The following TRMT11 variants were observed in gnomAD, a reference collection of about 807,000 sequenced individuals.
TRMT11 encodes tRNA methyltransferase 11, also known as tRNA (guanine(10)-N(2))-methyltransferase TRMT11.
In TRMT11, 53 loss-of-function variants were observed where a neutral mutation model predicts 62.8. The ratio of observed to expected loss-of-function variants is 0.84; its 90% confidence interval spans 0.68 to 1.06. The LOEUF is 1.06. TRMT11 is among the 50% of genes least tolerant of loss of function. The pLI is 0.00. For synonymous variants in TRMT11, 188 were observed against 190.3 expected (o/e 0.99, Z 0.10); for missense variants, 556 against 553.4 (o/e 1.00, Z -0.05).
intron 16 of TRMT11, among the ~76,000 whole-genome samples, chr6:126,045,587 C>T (rs954858774): frequency 6.6e-6 from 1 of 152,116 alleles, no homozygotes; most frequent in Non-Finnish European, 1.5e-5. Flanking sequence ...TGATAGTTAC[C>T]CAAATGGTTC....
chr6:126,143,342 T>G (rs1268582255), intron 21 of TRMT11, among the ~76,000 whole-genome samples: 2 of 152,116 alleles, frequency 1.3e-5, no homozygotes, highest in Non-Finnish European at 2.9e-5. Context: ...GGGAGTTTTA[T>G]TTTGAATGAA....
intron 12 of TRMT11, among the ~76,000 whole-genome samples, chr6:126,033,328 A>G (rs1187669707): frequency 6.6e-6 from 1 of 152,174 alleles, no homozygotes; most frequent in African/African-American, 2.4e-5. Context: ...CAGAACATAC[A>G]GCTTGATTTA....
At chr6:126,242,981 A>T in the TRMT11 span, among the ~76,000 whole-genome samples, 1 of 152,216 alleles carries the variant, frequency 6.6e-6, no homozygotes. Context: ...AGAAACTACC[A>T]TCAGAGTGAA....
the TRMT11 span, among the ~76,000 whole-genome samples, chr6:126,225,876 G>C: frequency 6.6e-6 from 1 of 151,866 alleles, no homozygotes; most frequent in African/African-American, 2.4e-5. Flanking sequence ...TTTTAGTACA[G>C]ATGGGGTTTC....
intron 21 of TRMT11, among the ~76,000 whole-genome samples, chr6:126,131,518 A>G (rs1166485048): frequency 1.3e-5 from 2 of 151,990 alleles, no homozygotes; most frequent in Admixed American, 6.6e-5. Context: ...CAGTTACACC[A>G]CGCCTTTAAA....
chr6:126,010,607 A>T (rs1264869260), intron 8 of TRMT11, among the ~76,000 whole-genome samples: 2 of 152,216 alleles, frequency 1.3e-5, no homozygotes, highest in East Asian at 1.9e-4. Context: ...CCCACTGCGT[A>T]TCTTTTTCTG....
intron 3 of TRMT11, among the ~76,000 whole-genome samples, chr6:125,997,039 C>T (rs1791632998): frequency 6.6e-6 from 1 of 152,170 alleles, no homozygotes; most frequent in Admixed American, 6.5e-5. Context: ...AAAATAGCCA[C>T]TGGAGTACTA....
the TRMT11 span, among the ~76,000 whole-genome samples, chr6:126,251,048 C>T: frequency 1.4e-5 from 2 of 147,370 alleles, no homozygotes. Context: ...TTTTTTTTTC[C>T]AAGACGGAGT....
intron 7 of TRMT11, among the ~76,000 whole-genome samples, chr6:126,000,234 T>G (rs562897889): frequency 1.3e-5 from 2 of 152,240 alleles, no homozygotes; most frequent in East Asian, 3.9e-4. Context: ...CTGTGCAGAC[T>G]TTTTCCTACT....
intron 21 of TRMT11, among the ~76,000 whole-genome samples, chr6:126,151,530 G>A (rs575777796): frequency 4.4e-4 from 67 of 151,636 alleles, no homozygotes; most frequent in African/African-American, 1.6e-3. Context: ...CTTACACTTA[G>A]AGCTCAGGGT....
intron 17 of TRMT11, among the ~76,000 whole-genome samples, chr6:126,079,473 C>T (rs374152755): frequency 1.0e-3 from 158 of 152,238 alleles, no homozygotes; most frequent in African/African-American, 3.5e-3. Flanking sequence ...CACTCATTCC[C>T]GACTACATTC....
At chr6:126,131,644 C>A (rs1235350029) in intron 21 of TRMT11, among the ~76,000 whole-genome samples, 1 of 152,016 alleles carries the variant, frequency 6.6e-6, no homozygotes, top group East Asian at 1.9e-4. Context: ...CCACCCACCC[C>A]ACTACCACAT....
the TRMT11 span, among the ~76,000 whole-genome samples, chr6:126,234,440 A>G: frequency 2.6e-5 from 4 of 152,112 alleles, no homozygotes; most frequent in Admixed American, 1.3e-4. Context: ...ATATAATTTT[A>G]GATTTTAAAT....
At chr6:126,200,053 TA>T (rs1778717217) in intron 3 of TRMT11, among the ~76,000 whole-genome samples, 2 of 152,154 alleles carry the variant, frequency 1.3e-5, no homozygotes, top group South Asian at 4.1e-4. Flanking sequence ...GGAATGGGAC[TA>T]GATAATGAAG....
At chr6:126,109,069 AT>A (rs1777497522) in intron 17 of TRMT11, among the ~76,000 whole-genome samples, 1 of 152,110 alleles carries the variant, frequency 6.6e-6, no homozygotes, top group South Asian at 2.1e-4. Context: ...GACACTTATT[AT>A]TTTATGAATC....
the TRMT11 span, among the ~76,000 whole-genome samples, chr6:126,242,082 A>G: frequency 6.8e-6 from 1 of 148,036 alleles, no homozygotes; most frequent in Non-Finnish European, 1.5e-5. Flanking sequence ...CAACTTCAGC[A>G]AAGTCTCAGG....
At chr6:126,002,424 C>T (rs1185062389) in intron 7 of TRMT11, among the ~76,000 whole-genome samples, 1 of 152,098 alleles carries the variant, frequency 6.6e-6, no homozygotes, top group Non-Finnish European at 1.5e-5. Flanking sequence ...CACATTTACT[C>T]TTTTCCTCAT....
At chr6:126,212,059 T>C in the TRMT11 span, among the ~76,000 whole-genome samples, 1 of 152,212 alleles carries the variant, frequency 6.6e-6, no homozygotes, top group African/African-American at 2.4e-5. Flanking sequence ...TCACTTAACA[T>C]AATGACCTCC....
intron 7 of TRMT11, among the ~76,000 whole-genome samples, chr6:126,008,115 T>C (rs1004308545): frequency 6.8e-6 from 1 of 146,928 alleles, no homozygotes; most frequent in African/African-American, 2.5e-5. Flanking sequence ...TGAAAATGTC[T>C]AAATATACAT....
Sources: allele counts gnomAD v4.1 joint callset (sites outside exome capture counted in the v4.1 genomes callset), GRCh38; gene constraint gnomAD v4.1.1; transcripts MANE v1.5; gene names NCBI Gene and HGNC (gene_info 2026-07-23, HGNC 2026-07-21).